The following LRRC1 variants were observed in gnomAD, a reference collection of about 807,000 sequenced individuals.
LRRC1 encodes the protein leucine rich repeat containing 1.
A neutral mutation model predicts 69.9 loss-of-function variants in LRRC1; 28 were observed. The ratio of observed to expected loss-of-function variants is 0.40; its 90% confidence interval spans 0.30 to 0.55. The LOEUF (loss-of-function observed/expected upper bound fraction) is 0.55. Among genes scored for constraint, LRRC1 ranks in the 20% least tolerant of loss-of-function variants. The pLI, the probability that LRRC1 is intolerant of heterozygous loss-of-function variation, is 0.47. For missense variants in LRRC1, 498 were observed against 609.0 expected (o/e 0.82, Z 1.92); for synonymous variants, 236 against 240.2 (o/e 0.98, Z 0.16).
intron 1 of LRRC1, among the ~76,000 whole-genome samples, 162 bp from the exon 2 acceptor site, chr6:53,841,948 G>A (rs1450116615): frequency 6.6e-6 from 1 of 152,076 alleles, no homozygotes; most frequent in Non-Finnish European, 1.5e-5. Flanking sequence ...TTTTCCCAAT[G>A]GTAACATCTT....
intron 1 of LRRC1, among the ~76,000 whole-genome samples, chr6:53,816,826 GA>G (rs1419121126): frequency 6.6e-6 from 1 of 152,126 alleles, no homozygotes; most frequent in Non-Finnish European, 1.5e-5. Flanking sequence ...CGAACAATCT[GA>G]AAGTCGGAAC....
intron 7 of LRRC1, among the ~76,000 whole-genome samples, chr6:53,898,336 G>A (rs1767938802): frequency 6.6e-6 from 1 of 152,176 alleles, no homozygotes; most frequent in Non-Finnish European, 1.5e-5. Context: ...TAGGAAATAT[G>A]TGGGAAATCC....
At position 53,890,970 on chromosome 6, in the gene LRRC1, GT is replaced by G. The variant is rs1581902726; in HGVS notation, c.447-5524del. 2.6e-5 allele frequency among the ~76,000 whole-genome samples: 4 copies of G among 152,262 alleles called. No individual in the cohort carries two copies. The East Asian group carries it at 7.7e-4, about 29-fold the overall frequency. Reference sequence around the variant, plus strand: ...AATTAACTCAAGTGGGTTAAAAAGGGTTTTGAAAACATAGTAGAGAACAGAT... The same window carrying G: ...AATTAACTCAAGTGGGTTAAAAAGGGTTTGAAAACATAGTAGAGAACAGAT... On this transcript the variant is annotated intron_variant, in intron 4 of 13. Coordinates refer to ENST00000370888, the MANE Select transcript of LRRC1 (RefSeq NM_018214.5).
At chr6:53,896,916 A>G in intron 6 of LRRC1, 24 bp downstream of exon 6, 1 of 1,455,424 alleles carries the variant, frequency 6.9e-7, no homozygotes, top group Middle Eastern at 1.8e-4. Context: ...AGAGATTTGA[A>G]TTTAACTTTG....
At chr6:53,817,864 A>G (rs765577031) in intron 1 of LRRC1, among the ~76,000 whole-genome samples, 33 of 152,222 alleles carry the variant, frequency 2.2e-4, no homozygotes, top group Non-Finnish European at 3.8e-4. Flanking sequence ...AAAAAAAATG[A>G]TCAAGCTACA....
intron 4 of LRRC1, among the ~76,000 whole-genome samples, chr6:53,884,508 G>A (rs552900311): frequency 3.3e-5 from 5 of 151,844 alleles, no homozygotes; most frequent in Non-Finnish European, 4.4e-5. Flanking sequence ...CCCCATCCCC[G>A]CTTTGCCCCC....
chr6:53,915,844 A>T (rs1162223439), intron 11 of LRRC1, among the ~76,000 whole-genome samples: 1 of 152,258 alleles, frequency 6.6e-6, no homozygotes, highest in Non-Finnish European at 1.5e-5. Flanking sequence ...ACTTATTAAA[A>T]GTATCAGTAT....
Position 53,795,149 on chromosome 6 carries a change from CAA to C in LRRC1, c.-107_-106del. 3.0e-6 allele frequency: 3 copies of C among 1,014,398 alleles called. No individual in the cohort carries two copies. The Admixed American group carries it at 9.1e-5, about 31-fold the overall frequency. The allele number at this position is 1,014,398 out of a possible 1,614,324, so 62.8% of individuals were successfully genotyped here. Reference sequence around the variant, plus strand: ...AGAAGCGAGCTAACCCAAGAGCCAACAACGAGCGCGGAGAGGGCAGCGGACTG... The same window carrying C: ...AGAAGCGAGCTAACCCAAGAGCCAACCGAGCGCGGAGAGGGCAGCGGACTG... On this transcript the variant is annotated 5_prime_UTR_variant, in exon 1 of 14. Coordinates refer to ENST00000370888, the MANE Select transcript of LRRC1 (RefSeq NM_018214.5).
intron 4 of LRRC1, among the ~76,000 whole-genome samples, chr6:53,886,668 G>A (rs1452792609): frequency 6.6e-6 from 1 of 152,064 alleles, no homozygotes; most frequent in Non-Finnish European, 1.5e-5. Flanking sequence ...TCCAGTTCAG[G>A]TGAATGTTAA....
Position 53,859,472 on chromosome 6 carries a change from A to G in LRRC1, c.277+17245A>G, listed in dbSNP as rs186909098. On this transcript the variant is annotated intron_variant, in intron 2 of 13. Coordinates refer to ENST00000370888, the MANE Select transcript of LRRC1 (RefSeq NM_018214.5). Reference sequence around the variant, plus strand: ...TGCAGCTAGGAGCCATTCATAAAATAGCATGACAGAACCTGAGCATTTCCT... The same window carrying G: ...TGCAGCTAGGAGCCATTCATAAAATGGCATGACAGAACCTGAGCATTTCCT... Among the ~76,000 whole-genome samples the G allele has an allele frequency of 4.3e-4, 66 of 152,370 alleles. 1 individual carries two copies. Among genetic ancestry groups the G allele is most frequent in the African/African-American group, 1.2e-3 (49 of 41,594 alleles).
At chr6:53,889,647 A>G (rs1767611538) in intron 4 of LRRC1, among the ~76,000 whole-genome samples, 1 of 152,152 alleles carries the variant, frequency 6.6e-6, no homozygotes. Flanking sequence ...GGGGTGGAGG[A>G]ATGACTTCTA....
chr6:53,813,551 T>TG (rs1764862514), intron 1 of LRRC1, among the ~76,000 whole-genome samples: 1 of 142,904 alleles, frequency 7.0e-6, no homozygotes, highest in African/African-American at 2.9e-5. Context: ...TTTTTTTTTC[T>TG]TTTTTTTTCT....
In LRRC1 at chr6:53,795,181, G is replaced by GA. The variant is rs1038238391; in HGVS notation, c.-75dup. On this transcript the variant is annotated 5_prime_UTR_variant, in exon 1 of 14. Coordinates refer to ENST00000370888, the MANE Select transcript of LRRC1 (RefSeq NM_018214.5). ...CGCGGAGAGGGCAGCGGACTGAGCG[G>GA]AGCCGCCGGCCAGAGCGGGCTCGGA... The GA allele has an allele frequency of 8.8e-5, 120 of 1,365,782 alleles. No homozygotes were observed. The highest frequency in any genetic ancestry group is 1.2e-4 in the Non-Finnish European group (119 of 1,019,064). 84.6% of individuals were successfully genotyped at this position (1,365,782 alleles called of 1,614,324 possible).
rs138550368 is a variant in LRRC1 at position 53,894,523 on chromosome 6, G to C, written c.447-1975G>C. 3.1e-3 allele frequency among the ~76,000 whole-genome samples: 478 copies of C among 152,240 alleles called. 7 individuals carry two copies. In the East Asian group the frequency reaches 0.041, roughly 13 times the overall value. On this transcript the variant is annotated intron_variant, in intron 4 of 13. Coordinates refer to ENST00000370888, the MANE Select transcript of LRRC1 (RefSeq NM_018214.5). ...CCTTCTTTCATTAGTGGGTGTCCTT[G>C]GTTTGTTAAAATAGGTGTGAAAGTA...
At chr6:53,867,159 G>T (rs1348696457) in intron 2 of LRRC1, among the ~76,000 whole-genome samples, 1 of 152,088 alleles carries the variant, frequency 6.6e-6, no homozygotes, top group Non-Finnish European at 1.5e-5. Context: ...CTGATTCGGA[G>T]AATGGAGATG....
At position 53,882,944 on chromosome 6, in the gene LRRC1, C is replaced by T. The variant is rs757839064; in HGVS notation, c.414C>T (p.Ile138=). Residue 138 remains isoleucine, a synonymous_variant, in exon 4 of 14, where the codon ATC becomes ATT. Transcript: ENST00000370888. ...TAACATGTCTTTCTGTAAATGACAT[C>T]TCACTACAGTCTCTACCTGAAAATA... The part of the protein sequence containing the change: ...QNLTCLSVND[I]SLQSLPENIG... The T allele has an allele frequency of 9.3e-6, 15 of 1,610,608 alleles. No individual in the cohort carries two copies. In the African/African-American group the frequency reaches 9.4e-5, roughly 10 times the overall value.
In LRRC1 at chr6:53,837,186, A is replaced by G. The variant is rs1003002285; in HGVS notation, c.160-4924A>G. On this transcript the variant is annotated intron_variant, in intron 1 of 13. Transcript: ENST00000370888. ...ATAATTCTTTCAAGCACATTTTTAT[A>G]TATATATTCTGGAAAAAATATATGT... Among the ~76,000 whole-genome samples, 19 of 112,062 alleles carry G rather than the reference A, an allele frequency of 1.7e-4. No individual in the cohort carries two copies. In the Admixed American group the frequency reaches 1.8e-3, roughly 11 times the overall value. 73.5% of individuals were successfully genotyped at this position (112,062 alleles called of 152,430 possible).
intron 2 of LRRC1, among the ~76,000 whole-genome samples, chr6:53,845,022 G>A (rs1765897752): frequency 1.3e-5 from 2 of 152,172 alleles, no homozygotes; most frequent in African/African-American, 4.8e-5. Context: ...GACCAACATG[G>A]TGAAACCTCC....
intron 1 of LRRC1, among the ~76,000 whole-genome samples, chr6:53,807,957 A>G (rs1219929520): frequency 6.6e-6 from 1 of 152,210 alleles, no homozygotes; most frequent in African/African-American, 2.4e-5. Context: ...AAAGAAGGCT[A>G]GTGCAGCTGG....
Sources: allele counts gnomAD v4.1 joint callset (sites outside exome capture counted in the v4.1 genomes callset), GRCh38; gene constraint gnomAD v4.1.1; transcripts MANE v1.5; gene names NCBI Gene and HGNC (gene_info 2026-07-23, HGNC 2026-07-21).